Variants in DCUN1D4 observed in about 807,000 individuals in gnomAD.
The protein encoded by DCUN1D4 is DCN1-like protein 4.
A neutral mutation model predicts 47.9 loss-of-function variants in DCUN1D4; 22 were observed. The ratio of observed to expected loss-of-function variants is 0.46; its 90% CI spans 0.33 to 0.66. The LOEUF (loss-of-function observed/expected upper bound fraction) is 0.66. DCUN1D4 is among the 30% of genes least tolerant of loss of function. The pLI is 0.02. For missense variants in DCUN1D4, 301 were observed against 340.8 expected, an observed-to-expected ratio of 0.88 and a Z score of 0.92; for synonymous variants, 121 against 112.2, an observed-to-expected ratio of 1.08 and a Z score of -0.50.
At chr4:51,842,523 G>T (rs1034739207), upstream of DCUN1D4, among the ~76,000 whole-genome samples, 1 of 152,222 alleles carries the variant, frequency 6.6e-6, no homozygotes, top group African/African-American at 2.4e-5. Flanking sequence ...CCACCAGAAG[G>T]TTTGCTGGAA....
chr4:51,835,328 A>T, the DCUN1D4 span, among the ~76,000 whole-genome samples: 1 of 152,222 alleles, frequency 6.6e-6, no homozygotes, highest in Admixed American at 6.5e-5. Flanking sequence ...TTTTACAAAA[A>T]TGTCTACCTC....
At chr4:51,862,799 A>T (rs759033370) in intron 1 of DCUN1D4, among the ~76,000 whole-genome samples, 1 of 151,986 alleles carries the variant, frequency 6.6e-6, no homozygotes, top group Non-Finnish European at 1.5e-5. Context: ...ACTTGAACCC[A>T]GGAGTTCAAG....
chr4:51,913,551 T>G lies in DCUN1D4; in HGVS notation c.846T>G (p.Phe282Leu). 1 of 1,613,014 alleles carries G rather than the reference T, an allele frequency of 6.2e-7. No individual in the cohort carries two copies. The highest frequency in any genetic ancestry group is 8.5e-7 in the Non-Finnish European group (1 of 1,179,320). Residue 282 changes from phenylalanine to leucine, a missense_variant, in exon 11 of 11, where the codon TTT (phenylalanine) becomes TTG (leucine). Phe to Leu is a conservative substitution (Grantham distance 22, BLOSUM62 0). Coordinates refer to ENST00000334635, the MANE Select transcript of DCUN1D4 (RefSeq NM_001040402.3). ...CAGGGCCAGTTTTGTTGGACGAGTT[T>G]GTGGAGTGGTATAAAGACAAACAGA... ...DGAWPVLLDEFVEWYKDKQMS is the reference protein window; with the variant it reads ...DGAWPVLLDELVEWYKDKQMS
At chr4:51,900,154 G>A (rs1426474984) in intron 8 of DCUN1D4, among the ~76,000 whole-genome samples, 5 of 152,068 alleles carry the variant, frequency 3.3e-5, no homozygotes, top group Non-Finnish European at 7.4e-5. Context: ...TTTTAAGGCA[G>A]AGAACTCGGT....
intron 1 of DCUN1D4, chr4:51,860,606 A>C (rs1468534197): frequency 1.5e-5 from 7 of 455,364 alleles, no homozygotes; most frequent in Non-Finnish European, 3.1e-5. Context: ...ATCGTGGAGG[A>C]AGGTGAATGG....
At chr4:51,875,553 T>C (rs1727540701) in intron 4 of DCUN1D4, among the ~76,000 whole-genome samples, 1 of 152,222 alleles carries the variant, frequency 6.6e-6, no homozygotes, top group South Asian at 2.1e-4. Context: ...GTGTACAGTT[T>C]AGTGATTTTT....
rs116594318 is a variant in DCUN1D4 at position 51,858,055 on chromosome 4, A to C, written c.26-5382A>C. Among the ~76,000 whole-genome samples, 427 of 152,302 alleles carry C rather than the reference A, an allele frequency of 2.8e-3. 2 individuals are homozygous for C. Among genetic ancestry groups the C allele is most frequent in the African/African-American group, 1.0e-2 (415 of 41,554 alleles). ...TTAATGCTGTGAAGAAAAGCAAAGC[A>C]TGGTAAGATGATAGAGTGAAGATGG... On this transcript the variant is annotated intron_variant, in intron 1 of 10. Transcript: ENST00000334635.
Position 51,915,553 on chromosome 4 carries a change from C to A in DCUN1D4, c.*1969C>A, listed in dbSNP as rs920714749. The A allele has an allele frequency of 6.6e-6, 1 of 152,386 alleles. No homozygotes were observed. The highest frequency in any genetic ancestry group is 2.4e-5 in the African/African-American group (1 of 41,430). The allele number at this position is 152,386 out of a possible 1,614,324, so 9.4% of individuals were successfully genotyped here. On this transcript the variant is annotated 3_prime_UTR_variant, in exon 11 of 11. Coordinates refer to ENST00000334635, the MANE Select transcript of DCUN1D4 (RefSeq NM_001040402.3). ...GGTTTGGATCTGTGAAGAATTGATTCATTTTCAAAATTATTCCATAAAGTT... is the reference window on the plus strand; with the variant it reads ...GGTTTGGATCTGTGAAGAATTGATTAATTTTCAAAATTATTCCATAAAGTT...
Position 51,911,081 on chromosome 4 carries a change from G to C in DCUN1D4, c.627G>C (p.Gln209His). ...TGTTTGTTAAACAGGAAAAGGACCA[G>C]CGCAGCCTAGACATAAACACTGCCA... ...YAFDFAREKD[Q>H]RSLDINTAKC... Residue 209 changes from glutamine to histidine, a missense_variant, in exon 9 of 11, where the codon CAG (glutamine) becomes CAC (histidine). Physicochemically the swap from Gln to His is conservative, Grantham distance 24. Around this residue, in one of 2 missense-constraint regions of DCUN1D4, gnomAD observed 170 missense variants for 234.5 expected, o/e 0.73. Coordinates refer to ENST00000334635, the MANE Select transcript of DCUN1D4 (RefSeq NM_001040402.3). The C allele has an allele frequency of 5.6e-6, 9 of 1,613,740 alleles. No homozygotes were observed. Among genetic ancestry groups the C allele is most frequent in the Non-Finnish European group, 7.6e-6 (9 of 1,179,772 alleles).
At chr4:51,856,458 A>G (rs958002161) in intron 1 of DCUN1D4, among the ~76,000 whole-genome samples, 10 of 152,058 alleles carry the variant, frequency 6.6e-5, no homozygotes, top group African/African-American at 1.4e-4. Flanking sequence ...CAGTTTTAAA[A>G]TTTTTTTCTT....
At chr4:51,860,432 T>A in intron 1 of DCUN1D4, 1 of 343,020 alleles carries the variant, frequency 2.9e-6, no homozygotes, top group Non-Finnish European at 5.9e-6. Context: ...ATTATGAACA[T>A]CAGTTGCTGG....
intron 9 of DCUN1D4, 94 bp from the exon 10 acceptor site, chr4:51,913,196 A>G (rs1279324923): frequency 1.7e-5 from 13 of 759,236 alleles, no homozygotes; most frequent in Middle Eastern, 2.4e-4. Context: ...TTAACCTTAC[A>G]TGAACTTAAT....
At chr4:51,903,296 G>T (rs184971233) in intron 8 of DCUN1D4, among the ~76,000 whole-genome samples, 1 of 152,130 alleles carries the variant, frequency 6.6e-6, no homozygotes, top group Admixed American at 6.5e-5. Flanking sequence ...AAAATTCTAG[G>T]TTGACACTTT....
chr4:51,882,862 A>G (rs887485694), intron 5 of DCUN1D4, among the ~76,000 whole-genome samples: 4 of 152,092 alleles, frequency 2.6e-5, no homozygotes, highest in African/African-American at 9.7e-5. Context: ...TTTTAAAAGA[A>G]TTACAAAGTA....
intron 4 of DCUN1D4, chr4:51,874,961 A>C (rs1220130458): frequency 1.3e-5 from 2 of 152,168 alleles, no homozygotes; most frequent in African/African-American, 4.8e-5. Flanking sequence ...TTTCACCCTG[A>C]GTTTAGTAAG....
chr4:51,834,079 TC>T, the DCUN1D4 span, among the ~76,000 whole-genome samples: 6,142 of 127,040 alleles, frequency 0.048, 454 homozygotes, highest in East Asian at 0.1. Context: ...TCTCTCTCTC[TC>T]TCTCTCTTTT....
At chr4:51,908,794 T>G in intron 8 of DCUN1D4, 1 of 421,368 alleles carries the variant, frequency 2.4e-6, no homozygotes, top group Non-Finnish European at 4.9e-6. Context: ...CCGGGAATTT[T>G]TAGTGTTTCC....
intron 8 of DCUN1D4, among the ~76,000 whole-genome samples, chr4:51,908,224 T>C (rs918514057): frequency 6.6e-6 from 1 of 152,210 alleles, no homozygotes; most frequent in Non-Finnish European, 1.5e-5. Flanking sequence ...CTTTCGTGTA[T>C]AGAGCCTGTT....
chr4:51,845,445 A>G (rs769895336), intron 1 of DCUN1D4, among the ~76,000 whole-genome samples: 1 of 152,194 alleles, frequency 6.6e-6, no homozygotes, highest in Admixed American at 6.5e-5. Context: ...AGAAAACTGT[A>G]AAAAGTGGAG....
Sources: allele counts gnomAD v4.1 joint callset (sites outside exome capture counted in the v4.1 genomes callset), GRCh38; gene constraint gnomAD v4.1.1; regional missense constraint gnomAD v4.1.1; transcripts MANE v1.5; gene names NCBI Gene and HGNC (gene_info 2026-07-23, HGNC 2026-07-21).